HDAC9: variants seen among roughly 807,000 people sequenced by gnomAD.
The protein encoded by HDAC9 is MEF-2 interacting transcription repressor (MITR) protein.
A neutral mutation model predicts 139.4 loss-of-function variants in HDAC9; 41 were observed. That is an observed-to-expected ratio of 0.29 (90% CI 0.23 to 0.38). The LOEUF is 0.38. Ranked by LOEUF, HDAC9 falls within the 10% of genes least tolerant of loss-of-function variation. The probability of loss-of-function intolerance (pLI) is 1.00; values close to 1 mark genes in which losing one functional copy is unlikely to be tolerated. For missense variants in HDAC9, 1,147 were observed against 1,297.0 expected, an observed-to-expected ratio of 0.88 and a Z score of 1.78; for synonymous variants, 517 against 476.2, an observed-to-expected ratio of 1.09 and a Z score of -1.12.
chr7:18,192,439 C>T (rs192385970), intron 2 of HDAC9, among the ~76,000 whole-genome samples: 43 of 152,198 alleles, frequency 2.8e-4, no homozygotes, highest in East Asian at 1.3e-3. Flanking sequence ...TGCTCACTTA[C>T]GTTGCCAGAT....
chr7:18,383,862 C>G (rs967646494), intron 1 of HDAC9, among the ~76,000 whole-genome samples: 3 of 149,058 alleles, frequency 2.0e-5, no homozygotes, highest in Admixed American at 6.7e-5. Flanking sequence ...GCACTCCAGC[C>G]TGGGTGACAG....
chr7:18,798,234 C>A (rs1452301809), intron 17 of HDAC9, among the ~76,000 whole-genome samples: 1 of 152,088 alleles, frequency 6.6e-6, no homozygotes, highest in Non-Finnish European at 1.5e-5. Flanking sequence ...GTCATTTTAC[C>A]ACAATGACAT....
At chr7:18,323,245 A>G (rs1162313161) in intron 1 of HDAC9, among the ~76,000 whole-genome samples, 3 of 152,122 alleles carry the variant, frequency 2.0e-5, no homozygotes, top group African/African-American at 7.2e-5. Context: ...CTACTAGGGA[A>G]AATATATCTA....
intron 22 of HDAC9, among the ~76,000 whole-genome samples, chr7:18,927,069 GT>G (rs1306741250): frequency 6.6e-6 from 1 of 152,188 alleles, no homozygotes; most frequent in Non-Finnish European, 1.5e-5. Context: ...TTCAGAATAT[GT>G]TCATAAATTT....
chr7:18,425,943 G>A (rs1790076937), intron 1 of HDAC9, among the ~76,000 whole-genome samples: 2 of 152,154 alleles, frequency 1.3e-5, no homozygotes, highest in Admixed American at 6.5e-5. Context: ...TTTAACTTTG[G>A]GAGGACACAA....
At chr7:18,522,400 C>T (rs1316237188) in intron 2 of HDAC9, among the ~76,000 whole-genome samples, 1 of 152,054 alleles carries the variant, frequency 6.6e-6, no homozygotes, top group African/African-American at 2.4e-5. Context: ...GCCAGGGCCT[C>T]CCAACAATAT....
At chr7:18,560,012 A>G (rs1415273781) in intron 2 of HDAC9, among the ~76,000 whole-genome samples, 1 of 152,208 alleles carries the variant, frequency 6.6e-6, no homozygotes, top group Non-Finnish European at 1.5e-5. Flanking sequence ...TAAGATAAGC[A>G]AAAGACTATA....
At chr7:18,863,734 CAGA>C (rs1798281019) in intron 21 of HDAC9, among the ~76,000 whole-genome samples, 1 of 151,924 alleles carries the variant, frequency 6.6e-6, no homozygotes, top group African/African-American at 2.4e-5. Flanking sequence ...GAAAAAAAAC[CAGA>C]AGAGAAGAGT....
intron 25 of HDAC9, among the ~76,000 whole-genome samples, chr7:18,988,271 C>T (rs952156081): frequency 6.6e-6 from 1 of 151,848 alleles, no homozygotes; most frequent in Non-Finnish European, 1.5e-5. Flanking sequence ...TGTCTTTGTT[C>T]TCGTTGGTTT....
chr7:18,665,795 GA>G (rs1255928677), intron 11 of HDAC9, among the ~76,000 whole-genome samples: 1 of 152,056 alleles, frequency 6.6e-6, no homozygotes, highest in Non-Finnish European at 1.5e-5. Context: ...AACATTCGTT[GA>G]AAAATGATAT....
chr7:18,732,823 A>ATGTGTACACACACGTGTGTT (rs1786328197), intron 13 of HDAC9, among the ~76,000 whole-genome samples: 2 of 85,824 alleles, frequency 2.3e-5, no homozygotes, highest in Non-Finnish European at 4.5e-5. Context: ...ACACGTGTGT[A>ATGTGTACACACACGTGTGTT]TGTGTGCGTA....
At chr7:18,361,824 A>G (rs1783803141) in intron 1 of HDAC9, among the ~76,000 whole-genome samples, 1 of 152,166 alleles carries the variant, frequency 6.6e-6, no homozygotes, top group Admixed American at 6.5e-5. Flanking sequence ...GAGAGAAAAA[A>G]AAAAACATTC....
At chr7:18,593,805 A>T (rs1296015102) in intron 5 of HDAC9, 103 bp from the exon 6 acceptor site, 86 of 1,244,702 alleles carry the variant, frequency 6.9e-5, no homozygotes, top group Non-Finnish European at 9.7e-5. Context: ...GAAAGAGCAT[A>T]AACATAGCTG....
chr7:18,873,815 G>T (rs554652744), intron 21 of HDAC9, among the ~76,000 whole-genome samples: 1 of 152,086 alleles, frequency 6.6e-6, no homozygotes, highest in East Asian at 1.9e-4. Flanking sequence ...GAGCCCTGAA[G>T]TTGAGAAGGG....
rs116314648 is a variant in HDAC9 at position 18,154,799 on chromosome 7, A to C, written c.-96-7430A>C. Among the ~76,000 whole-genome samples, 532 of 152,322 alleles carry C rather than the reference A, an allele frequency of 3.5e-3. 5 individuals carry two copies. The highest frequency in any genetic ancestry group is 0.012 in the African/African-American group (511 of 41,580). On this transcript the variant is annotated intron_variant, in intron 1 of 12. Coordinates refer to the HDAC9 transcript ENST00000417496. ...GAGAATCATATCACTCTTAATTACA[A>C]TGATGGCTAAAGGTCTTTTGTGTTT...
intron 2 of HDAC9, among the ~76,000 whole-genome samples, chr7:18,194,940 G>T (rs1344817195): frequency 6.7e-6 from 1 of 148,856 alleles, no homozygotes; most frequent in Non-Finnish European, 1.5e-5. Flanking sequence ...TTATAGTTTT[G>T]TGTGTGTGTG....
intron 13 of HDAC9, among the ~76,000 whole-genome samples, chr7:18,739,475 T>C (rs1787240972): frequency 1.3e-5 from 2 of 152,156 alleles, no homozygotes; most frequent in African/African-American, 4.8e-5. Flanking sequence ...TTGATGTTGA[T>C]GCTATTCCTT....
chr7:18,600,851 G>T (rs917887279), intron 6 of HDAC9, among the ~76,000 whole-genome samples: 6 of 152,064 alleles, frequency 3.9e-5, no homozygotes, highest in Admixed American at 1.3e-4. Flanking sequence ...TTGAGACAGG[G>T]TCTCACTCTG....
chr7:18,438,684 A>G (rs1018843127), intron 1 of HDAC9, among the ~76,000 whole-genome samples: 7 of 151,394 alleles, frequency 4.6e-5, no homozygotes, highest in Non-Finnish European at 8.8e-5. Flanking sequence ...GTAACATTAT[A>G]TAATGTGTCT....
Sources: gnomAD v4.1 joint callset for allele counts (sites outside exome capture counted in the v4.1 genomes callset) on GRCh38, gnomAD v4.1.1 for gene constraint, MANE v1.5 for transcripts, NCBI Gene and HGNC (gene_info 2026-07-23, HGNC 2026-07-21) for gene names.